Variants in PSMD5 observed in about 807,000 individuals in gnomAD.
The protein encoded by PSMD5 is proteasome 26S subunit, non-ATPase 5.
PSMD5 carries 40 observed loss-of-function variants against 52.1 expected under a neutral mutation model. That is an observed-to-expected ratio of 0.77 (90% CI 0.60 to 1.00). The LOEUF is 1.00. PSMD5 is among the 50% of genes least tolerant of loss of function. The probability of loss-of-function intolerance (pLI) is 0.00; values close to 1 mark genes in which losing one functional copy is unlikely to be tolerated. For synonymous variants in PSMD5, 211 were observed against 226.6 expected (o/e 0.93, Z 0.62); for missense variants, 575 against 605.2 (o/e 0.95, Z 0.52).
chr9:120,825,457 C>T (rs2045115794), intron 6 of PSMD5, among the ~76,000 whole-genome samples: 1 of 152,044 alleles, frequency 6.6e-6, no homozygotes, highest in Non-Finnish European at 1.5e-5. Flanking sequence ...TGAAAAATGT[C>T]ATTAAATTTA....
At chr9:120,842,576 A>G (rs1364879434) in intron 1 of PSMD5, 161 bp downstream of exon 1, 20 of 877,102 alleles carry the variant, frequency 2.3e-5, no homozygotes, top group Non-Finnish European at 3.4e-5. Context: ...CCTGAACCCC[A>G]TCTCCTGCCT....
chr9:120,822,623 A>T (rs1165905655), intron 7 of PSMD5, among the ~76,000 whole-genome samples: 2 of 151,894 alleles, frequency 1.3e-5, no homozygotes, highest in Non-Finnish European at 2.9e-5. Context: ...ATCTCGACTC[A>T]CGGCCCAGGT....
chr9:120,826,075 A>G (rs1037865926), intron 6 of PSMD5, among the ~76,000 whole-genome samples: 2 of 151,110 alleles, frequency 1.3e-5, no homozygotes, highest in African/African-American at 2.4e-5. Flanking sequence ...GCTCACTGCA[A>G]TCTCCACCTC....
intron 1 of PSMD5, among the ~76,000 whole-genome samples, chr9:120,839,757 T>C (rs1227347809): frequency 2.0e-5 from 3 of 151,966 alleles, no homozygotes; most frequent in South Asian, 4.2e-4. Flanking sequence ...TTCCTTTTTT[T>C]CCCCAGAATC....
chr9:120,821,123 C>G lies in PSMD5; in HGVS notation c.1117-144G>C, dbSNP rs1403632850. The G allele has an allele frequency of 6.8e-6, 7 of 1,028,982 alleles. No individual in the cohort carries two copies. In the Admixed American group the frequency reaches 9.7e-5, roughly 14 times the overall value. 63.7% of individuals were successfully genotyped at this position (1,028,982 alleles called of 1,614,324 possible). A position where few individuals can be genotyped will look rare whatever the true frequency, so the allele number is the denominator to read the frequency against. On this transcript the variant is annotated intron_variant, in intron 8 of 9. Coordinates refer to ENST00000210313, the MANE Select transcript of PSMD5 (RefSeq NM_005047.4). ...TGGCTAAGTCTGGAGGACTCTTTCT[C>G]AAATCCAGCCCAGACCTTTCCCAGT... is the stretch of plus-strand genomic sequence containing the variant.
intron 3 of PSMD5, 61 bp downstream of exon 3, chr9:120,831,771 C>CT (rs2045162514): frequency 6.4e-7 from 1 of 1,556,546 alleles, no homozygotes. Flanking sequence ...GAAGGCCTTT[C>CT]TTTATCTTTT....
At chr9:120,825,371 C>CA (rs1311243748) in intron 6 of PSMD5, among the ~76,000 whole-genome samples, 1 of 152,038 alleles carries the variant, frequency 6.6e-6, no homozygotes, top group Non-Finnish European at 1.5e-5. Context: ...TTTTAACTGA[C>CA]AAAAAATCAT....
At chr9:120,823,619 C>G (rs2045101694) in intron 7 of PSMD5, among the ~76,000 whole-genome samples, 1 of 149,616 alleles carries the variant, frequency 6.7e-6, no homozygotes, top group Non-Finnish European at 1.5e-5. Flanking sequence ...TCAAGAGATT[C>G]TCCTTCCTCA....
chr9:120,818,994 A>G (rs901206972), intron 9 of PSMD5, among the ~76,000 whole-genome samples: 3 of 152,242 alleles, frequency 2.0e-5, no homozygotes, highest in South Asian at 2.1e-4. Flanking sequence ...AGATACAACT[A>G]TATTTGAAAT....
intron 2 of PSMD5, 108 bp from the exon 3 acceptor site, chr9:120,832,053 C>G: frequency 6.8e-7 from 1 of 1,473,508 alleles, no homozygotes; most frequent in Non-Finnish European, 9.0e-7. Flanking sequence ...TTAGTGATCA[C>G]AGCTATATAT....
chr9:120,821,035 C>T, intron 8 of PSMD5, 56 bp from the exon 9 acceptor site: 1 of 1,509,908 alleles, frequency 6.6e-7, no homozygotes, highest in African/African-American at 1.4e-5. Flanking sequence ...GAGAAAAGCA[C>T]TTATTTAGAA....
chr9:120,821,443 A>T lies in PSMD5; in HGVS notation c.1028T>A (p.Leu343His). The stretch of plus-strand genomic sequence containing the variant: ...CTTTGATTGATGTCCTATTCTCATA[A>T]GCAAGCGTTCAAAGCGAGTTCCTTT... ...QKTGTRFERL[L>H]MRIGHQSKNA... Residue 343 changes from leucine (L) to histidine (H), a missense_variant, in exon 8 of 10, where the codon CTT becomes CAT. Leu to His is a moderately conservative substitution (Grantham distance 99, BLOSUM62 -3). Coordinates refer to ENST00000210313, the MANE Select transcript of PSMD5 (RefSeq NM_005047.4). 1 of 1,600,388 alleles carries T rather than the reference A, an allele frequency of 6.2e-7. No individual in the cohort carries two copies. The highest frequency in any genetic ancestry group is 8.5e-7 in the Non-Finnish European group (1 of 1,175,632).
chr9:120,830,717 A>G (rs2045153660), intron 4 of PSMD5, among the ~76,000 whole-genome samples: 1 of 152,202 alleles, frequency 6.6e-6, no homozygotes, highest in Admixed American at 6.5e-5. Context: ...GGTTAATGAT[A>G]ACAACATACA....
chr9:120,820,865 G>A lies in PSMD5; in HGVS notation c.1231C>T (p.His411Tyr). The A allele has an allele frequency of 3.1e-6, 5 of 1,600,500 alleles. No homozygotes were observed. The highest frequency in any genetic ancestry group is 3.4e-6 in the Non-Finnish European group (4 of 1,176,552). ...GISSQPFPEL[H>Y]CAALKVFTAI... ...GTAAACACTTTTAAGGCAGCACAGT[G>A]TAGTTCAGGGAAGGGCTGACTACTA... is the stretch of plus-strand genomic sequence containing the variant. The change falls in exon 9 of 10, where the codon CAC (histidine) becomes TAC (tyrosine). Residue 411 changes from histidine (H) to tyrosine (Y), a missense_variant. Transcript: ENST00000210313.
chr9:120,833,251 C>G, intron 2 of PSMD5, 61 bp downstream of exon 2: 1 of 1,534,508 alleles, frequency 6.5e-7, no homozygotes, highest in Non-Finnish European at 9.0e-7. Context: ...ATCTTTCTGT[C>G]CCAGTGCAGA....
chr9:120,824,133 G>C (rs1014289271), intron 7 of PSMD5: 1 of 119,428 alleles, frequency 8.4e-6, no homozygotes. Flanking sequence ...AAAAAAAAAA[G>C]AATAGAAAAC....
At chr9:120,823,802 G>A (rs957170512) in intron 7 of PSMD5, among the ~76,000 whole-genome samples, 1 of 151,926 alleles carries the variant, frequency 6.6e-6, no homozygotes, top group African/African-American at 2.4e-5. Context: ...ATGAACCATT[G>A]TATCTCTTAA....
chr9:120,831,871 A>G lies in PSMD5; in HGVS notation c.393T>C (p.Val131=). The change falls in exon 3 of 10, where the codon GTT becomes GTC. Residue 131 remains valine (V), a synonymous_variant. Transcript: ENST00000210313. ...LNNAELLKQI[V]YCIGGENLSV... is the part of the protein sequence containing the mutation. ...ATAGATTCTCTCCACCAATGCAATA[A>G]ACAATTTGTTTTAGTAATTCAGCAT... is the stretch of plus-strand genomic sequence containing the variant. 1 of 1,613,546 alleles carries G rather than the reference A, an allele frequency of 6.2e-7. No homozygotes were observed. The highest frequency in any genetic ancestry group is 8.5e-7 in the Non-Finnish European group (1 of 1,179,912).
intron 5 of PSMD5, 26 bp from the exon 6 acceptor site, chr9:120,826,933 A>G: frequency 6.3e-7 from 1 of 1,598,642 alleles, no homozygotes; most frequent in East Asian, 2.2e-5. Context: ...GACAAAAACA[A>G]GGAGATTTTG....
Sources: gnomAD v4.1 joint callset for allele counts (sites outside exome capture counted in the v4.1 genomes callset) on GRCh38, gnomAD v4.1.1 for gene constraint, MANE v1.5 for transcripts, NCBI Gene and HGNC (gene_info 2026-07-23, HGNC 2026-07-21) for gene names.